ATP2B2: variants seen among roughly 807,000 people sequenced by gnomAD.
The protein encoded by ATP2B2 is plasma membrane calcium-transporting ATPase 2.
ATP2B2 carries 15 observed loss-of-function variants against 120.0 expected under a neutral mutation model. The observed-to-expected ratio is 0.12, with a 90% confidence interval of 0.08 to 0.19. The LOEUF is 0.19. Ranked by LOEUF, ATP2B2 falls within the 10% of genes least tolerant of loss-of-function variation. ATP2B2 has a pLI of 1.00. For synonymous variants in ATP2B2, 694 were observed against 700.3 expected, an observed-to-expected ratio of 0.99 and a Z score of 0.14; for missense variants, 1,045 against 1,719.8, an observed-to-expected ratio of 0.61 and a Z score of 6.94.
At chr3:10,454,195 C>T (rs1336846823) in intron 1 of ATP2B2, among the ~76,000 whole-genome samples, 1 of 152,232 alleles carries the variant, frequency 6.6e-6, no homozygotes, top group Non-Finnish European at 1.5e-5. Flanking sequence ...TTAGTGATTT[C>T]TATGACTTGA....
In ATP2B2 at chr3:10,335,975, G is replaced by A. The variant is rs1031237654; in HGVS notation, c.3420+2201C>T. The A allele has an allele frequency of 8.5e-6, 8 of 936,428 alleles. No individual in the cohort carries two copies. The Admixed American group carries it at 1.1e-4, about 13-fold the overall frequency. The allele number at this position is 936,428 out of a possible 1,614,324, so 58.0% of individuals were successfully genotyped here. A position where few individuals can be genotyped will look rare whatever the true frequency, so the allele number is the denominator to read the frequency against. On this transcript the variant is annotated intron_variant, in intron 22 of 22. Transcript: ENST00000360273. ...ACCGCATGACTGGCTACGCTCTCCT[G>A]ACCAACGGGACCCTCTTCGGTGGCT...
chr3:10,524,900 A>C (rs1369682906), intron 3 of ATP2B2, among the ~76,000 whole-genome samples: 1 of 151,678 alleles, frequency 6.6e-6, no homozygotes, highest in Non-Finnish European at 1.5e-5. Flanking sequence ...TCCATCCTTC[A>C]TTTTTTCACT....
At chr3:10,512,928 C>T (rs1376312921) in intron 3 of ATP2B2, among the ~76,000 whole-genome samples, 1 of 152,206 alleles carries the variant, frequency 6.6e-6, no homozygotes, top group African/African-American at 2.4e-5. Context: ...GCCTCAGGCT[C>T]CTCATTTGTA....
In ATP2B2 at chr3:10,576,791, G is replaced by A. The variant is rs1024881531; in HGVS notation, c.-414-42658C>T. The stretch of plus-strand genomic sequence containing the variant: ...ACAATATAAGAAGCTGGGGCCGGGC[G>A]CGGTGGCTCACGTCTGTAATCCCAG... On this transcript the variant is annotated intron_variant, in intron 2 of 21. Coordinates refer to the ATP2B2 transcript ENST00000646379. 2.4e-4 allele frequency among the ~76,000 whole-genome samples: 36 copies of A among 152,200 alleles called. 1 individual carries two copies. Among genetic ancestry groups the A allele is most frequent in the East Asian group, 1.9e-4 (1 of 5,158 alleles).
intron 1 of ATP2B2, among the ~76,000 whole-genome samples, chr3:10,494,551 T>C (rs765819610): frequency 1.3e-4 from 20 of 152,176 alleles, no homozygotes; most frequent in Non-Finnish European, 2.5e-4. Context: ...TTAATCTCCT[T>C]GGCAGAAGAA....
chr3:10,601,743 C>G (rs998850820), intron 2 of ATP2B2, among the ~76,000 whole-genome samples: 1 of 152,220 alleles, frequency 6.6e-6, no homozygotes, highest in African/African-American at 2.4e-5. Context: ...CAGCTCACAC[C>G]TGACATCAGC....
intron 1 of ATP2B2, among the ~76,000 whole-genome samples, chr3:10,488,800 G>T (rs1027995500): frequency 6.6e-6 from 1 of 151,912 alleles, no homozygotes; most frequent in Non-Finnish European, 1.5e-5. Flanking sequence ...CATTGCAGTA[G>T]CCTCCTTCCT....
At chr3:10,367,279 T>G (rs1213669110) in intron 12 of ATP2B2, among the ~76,000 whole-genome samples, 1 of 152,002 alleles carries the variant, frequency 6.6e-6, no homozygotes, top group Non-Finnish European at 1.5e-5. Context: ...TCTTGCCCCC[T>G]GCCTGCTTGG....
intron 2 of ATP2B2, among the ~76,000 whole-genome samples, chr3:10,544,841 A>G (rs2067510895): frequency 6.6e-6 from 1 of 152,214 alleles, no homozygotes; most frequent in Non-Finnish European, 1.5e-5. Flanking sequence ...ACTTCAAGCT[A>G]TATTTGCTCA....
intron 2 of ATP2B2, among the ~76,000 whole-genome samples, chr3:10,597,544 G>A (rs2068803156): frequency 6.6e-6 from 1 of 152,148 alleles, no homozygotes; most frequent in Non-Finnish European, 1.5e-5. Context: ...CGAGTAACTG[G>A]CCATCAAGCC....
rs749344787 is a variant in ATP2B2, at chr3:10,360,083, T to C, written c.1700A>G (p.Asn567Ser). The change falls in exon 13 of 23, where the codon AAC (asparagine) becomes AGC (serine). Residue 567 changes from asparagine to serine, a missense_variant. Asn to Ser is a conservative substitution (Grantham distance 46). Around this residue, in one of 11 missense-constraint regions of ATP2B2, gnomAD observed 343 missense variants for 536.8 expected, o/e 0.64. Coordinates refer to ENST00000360273, the MANE Select transcript of ATP2B2 (RefSeq NM_001001331.4). ...KEGALPRQVG[N>S]KTECGLLGFV... ...GCCCAGCAGGCCGCACTCCGTCTTG[T>C]TGCCCACCTGCCGAGGCAGGGCGCC... 13 of 1,604,716 alleles carry C rather than the reference T, an allele frequency of 8.1e-6. No homozygotes were observed. The highest frequency in any genetic ancestry group is 8.0e-5 in the African/African-American group (6 of 74,760).
chr3:10,446,806 G>T (rs73117778), intron 2 of ATP2B2, among the ~76,000 whole-genome samples: 1,975 of 152,308 alleles, frequency 0.013, 51 homozygotes, highest in African/African-American at 0.045. Context: ...GCTCAGAGAG[G>T]TCAGACGAAA....
At chr3:10,401,965 T>G (rs903564468) in intron 4 of ATP2B2, 126 bp downstream of exon 4, 111 of 1,491,856 alleles carry the variant, frequency 7.4e-5, no homozygotes, top group Admixed American at 2.6e-4. Flanking sequence ...AGAAGACATC[T>G]TGGTTTGGGA....
intron 1 of ATP2B2, among the ~76,000 whole-genome samples, chr3:10,459,436 C>T (rs978846916): frequency 6.6e-6 from 1 of 152,220 alleles, no homozygotes; most frequent in African/African-American, 2.4e-5. Flanking sequence ...TGGGATGGGC[C>T]AGCGGCTCTG....
At chr3:10,332,663 G>A (rs997180048) in intron 22 of ATP2B2, among the ~76,000 whole-genome samples, 12 of 152,192 alleles carry the variant, frequency 7.9e-5, no homozygotes, top group Non-Finnish European at 1.5e-4. Flanking sequence ...TGGAAGTTCA[G>A]CCTCTGTGGC....
At chr3:10,465,955 C>T (rs2064721072) in intron 1 of ATP2B2, among the ~76,000 whole-genome samples, 1 of 152,208 alleles carries the variant, frequency 6.6e-6, no homozygotes, top group Non-Finnish European at 1.5e-5. Context: ...GAACAGAGGC[C>T]ACCAAAAGGG....
chr3:10,353,616 T>C (rs1487697252), intron 14 of ATP2B2, among the ~76,000 whole-genome samples: 1 of 152,126 alleles, frequency 6.6e-6, no homozygotes, highest in Non-Finnish European at 1.5e-5. Context: ...CTGGGAACTG[T>C]GGGAAGTTCT....
At chr3:10,510,126 AG>A (rs2066730815), upstream of ATP2B2, among the ~76,000 whole-genome samples, 1 of 152,084 alleles carries the variant, frequency 6.6e-6, no homozygotes, top group Non-Finnish European at 1.5e-5. Flanking sequence ...TCTGGTCTCT[AG>A]TCTATTGAGA....
At chr3:10,684,367 G>A (rs1228056753) in intron 1 of ATP2B2, among the ~76,000 whole-genome samples, 1 of 152,238 alleles carries the variant, frequency 6.6e-6, no homozygotes, top group African/African-American at 2.4e-5. Context: ...CTGAGCCCTA[G>A]TAATATGATT....
Sources: gnomAD v4.1 joint callset for allele counts (sites outside exome capture counted in the v4.1 genomes callset) on GRCh38, gnomAD v4.1.1 for gene constraint, gnomAD v4.1.1 regional missense constraint, MANE v1.5 for transcripts, NCBI Gene and HGNC (gene_info 2026-07-23, HGNC 2026-07-21) for gene names.